Variants in SDK1 observed in about 807,000 individuals in gnomAD.
SDK1 encodes the protein sidekick cell adhesion molecule 1, also known as protein sidekick-1.
A neutral mutation model predicts 245.5 loss-of-function variants in SDK1; 157 were observed. The observed-to-expected ratio is 0.64, with a 90% CI of 0.56 to 0.73. SDK1 has a LOEUF of 0.73. Among genes scored for constraint, SDK1 ranks in the 30% least tolerant of loss-of-function variants. The pLI, the probability that SDK1 is intolerant of heterozygous loss-of-function variation, is 0.00. For missense variants in SDK1, 3,583 were observed against 3,002.3 expected (o/e 1.19, Z -4.52); for synonymous variants, 1,647 against 1,278.5 (o/e 1.29, Z -6.15).
chr7:4,203,490 G>A (rs192985573), intron 35 of SDK1, among the ~76,000 whole-genome samples: 29 of 151,612 alleles, frequency 1.9e-4, no homozygotes, highest in South Asian at 1.9e-3. Context: ...AGCAATTGCC[G>A]GTCTAAAATG....
At chr7:3,763,494 A>C (rs1780164866) in intron 4 of SDK1, among the ~76,000 whole-genome samples, 1 of 152,150 alleles carries the variant, frequency 6.6e-6, no homozygotes, top group Non-Finnish European at 1.5e-5. Context: ...CCACCAGTCC[A>C]TCTTATTTGA....
intron 1 of SDK1, among the ~76,000 whole-genome samples, chr7:3,489,243 A>G (rs1217295037): frequency 6.6e-6 from 1 of 152,152 alleles, no homozygotes; most frequent in Non-Finnish European, 1.5e-5. Flanking sequence ...GCACAGTTGA[A>G]TACTTTATTA....
intron 35 of SDK1, among the ~76,000 whole-genome samples, chr7:4,181,071 A>G (rs1432346115): frequency 6.6e-6 from 1 of 152,214 alleles, no homozygotes; most frequent in Non-Finnish European, 1.5e-5. Context: ...CTTCCCAAAC[A>G]GAAATCCCAT....
rs183367508 is a variant in SDK1 at position 4,026,625 on chromosome 7, G to A, written c.2602+9273G>A. ...GAAAGGAACACACAAAACTTTTTAA[G>A]TGTTAAAGTATTTTCTTCTGAAGGC... On this transcript the variant is annotated intron_variant, in intron 17 of 44. Coordinates refer to ENST00000404826, the MANE Select transcript of SDK1 (RefSeq NM_152744.4). The surrounding 1 kb of genome is among the most constrained non-coding windows in gnomAD (Gnocchi z 4.1). Among the ~76,000 whole-genome samples, 21 of 152,290 alleles carry A rather than the reference G, an allele frequency of 1.4e-4. No homozygotes were observed. The East Asian group carries it at 3.5e-3, about 25-fold the overall frequency.
At chr7:4,151,190 G>A (rs1482495304) in intron 30 of SDK1, among the ~76,000 whole-genome samples, 1 of 152,176 alleles carries the variant, frequency 6.6e-6, no homozygotes, top group African/African-American at 2.4e-5. Flanking sequence ...GGGAACCCAT[G>A]CTGCGGCTCC....
chr7:4,208,215 C>A lies in SDK1; in HGVS notation c.5331C>A (p.Ser1777Arg), dbSNP rs781226269. 6 of 1,613,998 alleles carry A rather than the reference C, an allele frequency of 3.7e-6. No individual in the cohort carries two copies. The South Asian group carries it at 6.6e-5, about 18-fold the overall frequency. Residue 1777 changes from serine (S) to arginine (R), a missense_variant, in exon 37 of 45, where the codon AGC becomes AGA. Transcript: ENST00000404826. ...CCAGCCATACCAAGTACCTGGTCAG[C>A]ATATCAGCCTTCAACGCCGCCGGAG... The part of the protein sequence containing the change: ...NLTSHTKYLV[S>R]ISAFNAAGDG...
At chr7:3,701,963 A>T (rs1235763608) in intron 4 of SDK1, among the ~76,000 whole-genome samples, 1 of 149,864 alleles carries the variant, frequency 6.7e-6, no homozygotes, top group Non-Finnish European at 1.5e-5. Context: ...GAAAAATTGT[A>T]TCTTGACCTA....
At chr7:3,993,320 A>G (rs1407367150) in intron 14 of SDK1, among the ~76,000 whole-genome samples, 2 of 152,160 alleles carry the variant, frequency 1.3e-5, no homozygotes, top group East Asian at 3.9e-4. Flanking sequence ...GTGGCCTTCT[A>G]CCAGTTATCA....
At chr7:3,866,441 C>G (rs1262329392) in intron 5 of SDK1, among the ~76,000 whole-genome samples, 1 of 152,202 alleles carries the variant, frequency 6.6e-6, no homozygotes, top group East Asian at 1.9e-4. Context: ...CCAAGTGATT[C>G]TCTCAGCAGA....
At position 3,304,433 on chromosome 7, in the gene SDK1, C is replaced by T. The variant is rs184817362; in HGVS notation, c.298+2549C>T. On this transcript the variant is annotated intron_variant, in intron 1 of 44. Transcript: ENST00000404826. ...GAAGTCCGTGGTGCCTTTAGCTTTA[C>T]TGCTGGACTCTTTACAGGCTTACTG... Among the ~76,000 whole-genome samples, 18 of 152,334 alleles carry T rather than the reference C, an allele frequency of 1.2e-4. No individual in the cohort carries two copies. The East Asian group carries it at 2.9e-3, about 24-fold the overall frequency.
Position 3,548,978 on chromosome 7 carries a change from C to CTA in SDK1, c.299-70100_299-70099dup, listed in dbSNP as rs775460930. Among the ~76,000 whole-genome samples the CTA allele has an allele frequency of 5.3e-5, 8 of 152,344 alleles. No individual in the cohort carries two copies. The East Asian group carries it at 7.7e-4, about 15-fold the overall frequency. ...CAACAGTAGGGTTTTACTCTCCCTA[C>CTA]TATCAATATATTGGCTGTGCTGGAG... On this transcript the variant is annotated intron_variant, in intron 1 of 44. Transcript: ENST00000404826.
intron 44 of SDK1, among the ~76,000 whole-genome samples, chr7:4,252,369 C>T (rs1787361798): frequency 6.6e-6 from 1 of 152,038 alleles, no homozygotes; most frequent in Non-Finnish European, 1.5e-5. Context: ...CATCCATGAC[C>T]CTACAAAGGA....
intron 22 of SDK1, among the ~76,000 whole-genome samples, chr7:4,091,145 C>G (rs182788179): frequency 1.4e-4 from 22 of 152,188 alleles, no homozygotes; most frequent in Non-Finnish European, 2.6e-4. Flanking sequence ...GCACTATCTT[C>G]TTTCCAGGAC....
At chr7:3,788,891 C>T (rs534567601) in intron 4 of SDK1, among the ~76,000 whole-genome samples, 10 of 152,132 alleles carry the variant, frequency 6.6e-5, no homozygotes, top group Non-Finnish European at 1.2e-4. Context: ...GTCTCCTGCT[C>T]AGTCCTGAGA....
chr7:3,760,996 A>G (rs1057209653), intron 4 of SDK1, among the ~76,000 whole-genome samples: 3 of 152,230 alleles, frequency 2.0e-5, no homozygotes, highest in Admixed American at 6.5e-5. Context: ...TTAAGCTGCT[A>G]TGAGCATTTG....
At chr7:3,370,944 C>T (rs1460087825) in intron 1 of SDK1, among the ~76,000 whole-genome samples, 1 of 152,072 alleles carries the variant, frequency 6.6e-6, no homozygotes, top group Non-Finnish European at 1.5e-5. Context: ...CCCAAACTCC[C>T]AACATGCAGC....
At chr7:4,000,883 C>G (rs184127761) in intron 14 of SDK1, among the ~76,000 whole-genome samples, 8 of 152,252 alleles carry the variant, frequency 5.3e-5, no homozygotes, top group Non-Finnish European at 7.3e-5. Flanking sequence ...AAATGCACAT[C>G]TAGGGAGACA....
chr7:4,055,323 G>A (rs987192143), intron 19 of SDK1, among the ~76,000 whole-genome samples: 2 of 152,184 alleles, frequency 1.3e-5, no homozygotes, highest in African/African-American at 4.8e-5. Context: ...AGTTTTGGGA[G>A]TTGTTGGTTT....
chr7:4,004,209 C>A (rs1372378395), intron 14 of SDK1, among the ~76,000 whole-genome samples: 2 of 152,134 alleles, frequency 1.3e-5, no homozygotes, highest in African/African-American at 4.8e-5. Context: ...TTGCTGAGGA[C>A]CAAACAGGGA....
Sources: gnomAD v4.1 joint callset for allele counts (sites outside exome capture counted in the v4.1 genomes callset) on GRCh38, gnomAD v4.1.1 for gene constraint, Gnocchi (gnomAD v3.1) non-coding constraint, MANE v1.5 for transcripts, NCBI Gene and HGNC (gene_info 2026-07-23, HGNC 2026-07-21) for gene names.